The following TMEM154 variants were observed in gnomAD, a reference collection of about 807,000 sequenced individuals.
TMEM154 encodes the protein transmembrane protein 154.
In TMEM154, 27 loss-of-function variants were observed where a neutral mutation model predicts 24.5. That is an observed-to-expected ratio of 1.10 (90% CI 0.81 to 1.52). TMEM154 has a LOEUF of 1.52. TMEM154 is among the 40% of genes most tolerant of loss of function. The pLI is 0.00. For missense variants in TMEM154, 228 were observed against 213.4 expected (o/e 1.07, Z -0.43); for synonymous variants, 67 against 76.8 (o/e 0.87, Z 0.67).
intron 1 of TMEM154, among the ~76,000 whole-genome samples, chr4:152,663,643 A>T (rs914121846): frequency 6.6e-6 from 1 of 152,254 alleles, no homozygotes; most frequent in African/African-American, 2.4e-5. Context: ...TCTCCCAGGA[A>T]GTCTCTCTCC....
intron 1 of TMEM154, among the ~76,000 whole-genome samples, chr4:152,657,167 C>T (rs187063674): frequency 2.7e-5 from 4 of 146,488 alleles, no homozygotes; most frequent in Admixed American, 6.9e-5. Context: ...GTGTGACATA[C>T]GAGATACCAT....
Position 152,643,079 on chromosome 4 carries a change from AC to A in TMEM154, c.478+8del. 6.2e-7 allele frequency: 1 copy of A among 1,605,134 alleles called. No individual in the cohort carries two copies. Among genetic ancestry groups the A allele is most frequent in the Non-Finnish European group, 8.5e-7 (1 of 1,176,342 alleles). Reference sequence around the variant, plus strand: ...GAAAGAAAAAAAACAACTTTAGGTTACCACATACCATTTCTATTCATGCTGT... The same window carrying A: ...GAAAGAAAAAAAACAACTTTAGGTTACACATACCATTTCTATTCATGCTGT... On this transcript the variant is annotated splice_region_variant and intron_variant, in intron 5 of 6. Transcript: ENST00000304385.
chr4:152,640,892 C>CCAAAAAA, intron 6 of TMEM154, 36 bp downstream of exon 6: 17 of 1,454,006 alleles, frequency 1.2e-5, no homozygotes, highest in Non-Finnish European at 1.6e-5. Context: ...CGCCCCCCGC[C>CCAAAAAA]ATATACATGT....
chr4:152,673,744 G>A (rs1200720397), intron 1 of TMEM154, among the ~76,000 whole-genome samples: 1 of 152,112 alleles, frequency 6.6e-6, no homozygotes, highest in African/African-American at 2.4e-5. Context: ...TACTTGTTAT[G>A]TTGTACTCAT....
chr4:152,626,819 A>C lies in TMEM154; in HGVS notation c.*1727T>G, dbSNP rs1348098827. 1 of 152,196 alleles carries C rather than the reference A, an allele frequency of 6.6e-6. No homozygotes were observed. Among genetic ancestry groups the C allele is most frequent in the Non-Finnish European group, 1.5e-5 (1 of 68,034 alleles). 9.4% of individuals were successfully genotyped at this position (152,196 alleles called of 1,614,324 possible). A position where few individuals can be genotyped will look rare whatever the true frequency, so the allele number is the denominator to read the frequency against. On this transcript the variant is annotated 3_prime_UTR_variant, in exon 7 of 7. Transcript: ENST00000304385. ...TGATGAGAAACAAACTGAAAGTAGC[A>C]CACATAGGCAGAAAAATAGACAAGT...
chr4:152,631,987 TTA>T (rs2149777820), intron 6 of TMEM154, among the ~76,000 whole-genome samples: 1 of 151,752 alleles, frequency 6.6e-6, no homozygotes, highest in Admixed American at 6.6e-5. Flanking sequence ...TTGTACTTTT[TTA>T]GTAGAGGTGG....
intron 5 of TMEM154, among the ~76,000 whole-genome samples, chr4:152,641,813 T>G (rs565862178): frequency 6.5e-4 from 96 of 147,212 alleles, no homozygotes; most frequent in Non-Finnish European, 1.1e-3. Context: ...CCTTCTTTCC[T>G]CAATATGAAA....
chr4:152,670,528 G>A (rs949992250), intron 1 of TMEM154, among the ~76,000 whole-genome samples: 1 of 152,184 alleles, frequency 6.6e-6, no homozygotes, highest in East Asian at 1.9e-4. Flanking sequence ...CCCGGGAGCC[G>A]GAGGTTGCAG....
At chr4:152,638,876 T>C (rs181500876) in intron 6 of TMEM154, among the ~76,000 whole-genome samples, 239 of 152,346 alleles carry the variant, frequency 1.6e-3, no homozygotes, top group African/African-American at 5.6e-3. Flanking sequence ...CAGTGGAATG[T>C]AGACCTTCCC....
intron 3 of TMEM154, 96 bp downstream of exon 3, chr4:152,652,441 AC>A (rs1372398935): frequency 7.2e-6 from 11 of 1,523,992 alleles, no homozygotes; most frequent in Non-Finnish European, 9.7e-6. Flanking sequence ...TTTATCACTT[AC>A]TATTATATGT....
chr4:152,676,598 C>A (rs969685836), intron 1 of TMEM154, among the ~76,000 whole-genome samples: 1 of 152,112 alleles, frequency 6.6e-6, no homozygotes, highest in Non-Finnish European at 1.5e-5. Flanking sequence ...TAGTGCCTGA[C>A]CTATAATGAG....
At chr4:152,673,406 T>A (rs1483975426) in intron 1 of TMEM154, among the ~76,000 whole-genome samples, 1 of 152,210 alleles carries the variant, frequency 6.6e-6, no homozygotes, top group African/African-American at 2.4e-5. Context: ...GTTCAAGCAG[T>A]TCTCCTGCCT....
rs1298547406 is a variant in TMEM154, at chr4:152,624,509, T to C, written c.*4037A>G. ...CCAGCTACTTGGGAGGCTGAGGTAA[T>C]AGAATCACCTGAGCCTGGGAAGTTG... On this transcript the variant is annotated 3_prime_UTR_variant, in exon 7 of 7. Coordinates refer to ENST00000304385, the MANE Select transcript of TMEM154 (RefSeq NM_152680.3). The C allele has an allele frequency of 2.6e-5, 4 of 151,548 alleles. No homozygotes were observed. Among genetic ancestry groups the C allele is most frequent in the Non-Finnish European group, 5.9e-5 (4 of 67,962 alleles). 9.4% of individuals were successfully genotyped at this position (151,548 alleles called of 1,614,324 possible). A position where few individuals can be genotyped will look rare whatever the true frequency, so the allele number is the denominator to read the frequency against.
intron 6 of TMEM154, among the ~76,000 whole-genome samples, chr4:152,628,923 G>A (rs1333312564): frequency 6.6e-6 from 1 of 151,904 alleles, no homozygotes; most frequent in Non-Finnish European, 1.5e-5. Context: ...GGAATTACAG[G>A]TGTGAGCCAC....
rs1255845776 is a variant in TMEM154, at chr4:152,618,789, C to G, written c.*9757G>C. 1.3e-5 allele frequency: 2 copies of G among 151,892 alleles called. No homozygotes were observed. The highest frequency in any genetic ancestry group is 2.9e-5 in the Non-Finnish European group (2 of 68,004). The allele number at this position is 151,892 out of a possible 1,614,324, so 9.4% of individuals were successfully genotyped here. On this transcript the variant is annotated 3_prime_UTR_variant, in exon 7 of 7. Transcript: ENST00000304385. ...TCCTTCCATATTGGATTTAATGTAG[C>G]TAAAAATACAATACAATACACACAA... is the stretch of plus-strand genomic sequence containing the variant.
At chr4:152,675,609 G>A (rs985634374) in intron 1 of TMEM154, among the ~76,000 whole-genome samples, 8 of 151,748 alleles carry the variant, frequency 5.3e-5, no homozygotes, top group African/African-American at 1.2e-4. Context: ...CCTGGGCAAC[G>A]AGAGTGAAAC....
At chr4:152,634,664 C>G (rs887304434) in intron 6 of TMEM154, among the ~76,000 whole-genome samples, 1 of 152,224 alleles carries the variant, frequency 6.6e-6, no homozygotes, top group Non-Finnish European at 1.5e-5. Context: ...TACATGCACA[C>G]ACACACGTGC....
At chr4:152,653,204 G>T (rs1728423599) in intron 1 of TMEM154, among the ~76,000 whole-genome samples, 1 of 152,162 alleles carries the variant, frequency 6.6e-6, no homozygotes, top group African/African-American at 2.4e-5. Context: ...AAGCAAAGTG[G>T]ATTCGGAAGC....
intron 6 of TMEM154, among the ~76,000 whole-genome samples, chr4:152,633,986 AC>A (rs1211004584): frequency 2.1e-5 from 3 of 142,192 alleles, no homozygotes; most frequent in Non-Finnish European, 3.0e-5. Flanking sequence ...CTGAGATCAC[AC>A]CACTGCACTC....
Sources: gnomAD v4.1 joint callset for allele counts (sites outside exome capture counted in the v4.1 genomes callset) on GRCh38, gnomAD v4.1.1 for gene constraint, MANE v1.5 for transcripts, NCBI Gene and HGNC (gene_info 2026-07-23, HGNC 2026-07-21) for gene names.